ACP1: variants seen among roughly 807,000 people sequenced by gnomAD.
ACP1 encodes acid phosphatase 1.
A neutral mutation model predicts 23.4 loss-of-function variants in ACP1; 23 were observed. That is an observed-to-expected ratio of 0.98 (90% CI 0.71 to 1.39). The LOEUF is 1.39. Ranked by LOEUF, ACP1 falls within the 40% of genes most tolerant of loss-of-function variation. The pLI is 0.00. For missense variants in ACP1, 180 were observed against 197.7 expected (o/e 0.91, Z 0.54); for synonymous variants, 72 against 67.2 (o/e 1.07, Z -0.35).
At position 272,147 on chromosome 2, in the gene ACP1, G is replaced by T. The variant is rs767412797; in HGVS notation, c.228G>T (p.Arg76=). 1.9e-6 allele frequency: 3 copies of T among 1,614,090 alleles called. No homozygotes were observed. The highest frequency in any genetic ancestry group is 2.5e-6 in the Non-Finnish European group (3 of 1,180,052). Residue 76 remains arginine, a synonymous_variant, in exon 3 of 6, where the codon CGG becomes CGT. Transcript: ENST00000272065. ...RHGIPMSHVA[R]QITKEDFATF... is the part of the protein sequence containing the mutation. Reference sequence around the variant, plus strand: ...GCATTCCCATGAGCCACGTTGCCCGGCAGGTACCGTCCTTGGACTTGAAGT... The same window carrying T: ...GCATTCCCATGAGCCACGTTGCCCGTCAGGTACCGTCCTTGGACTTGAAGT...
chr2:270,214 T>A (rs2103072511), intron 1 of ACP1, among the ~76,000 whole-genome samples: 1 of 152,298 alleles, frequency 6.6e-6, no homozygotes, highest in East Asian at 1.9e-4. Flanking sequence ...GCACATAGAG[T>A]TGGCATACAA....
chr2:270,654 A>G (rs751264532), intron 1 of ACP1, among the ~76,000 whole-genome samples: 1 of 152,088 alleles, frequency 6.6e-6, no homozygotes, highest in Non-Finnish European at 1.5e-5. Context: ...CCAGTGATTC[A>G]ACCCATTGTG....
In ACP1 at chr2:276,986, G is replaced by A. The variant is rs535239615; in HGVS notation, c.300G>A (p.Leu100=). ...LCMDESNLRD[L]NRKSNQVKTC... is the part of the protein sequence containing the mutation. ...TCATATTTCAATTTTACAGAGATTTGAATAGAAAAAGTAATCAAGTTAAAA... is the reference window on the plus strand; with the variant it reads ...TCATATTTCAATTTTACAGAGATTTAAATAGAAAAAGTAATCAAGTTAAAA... The change falls in exon 5 of 6, where the codon TTG becomes TTA. Residue 100 remains leucine (L), a synonymous_variant. Transcript: ENST00000272065. 2.0e-5 allele frequency: 32 copies of A among 1,591,692 alleles called. 1 individual carries two copies. The Middle Eastern group carries it at 1.1e-3, about 53-fold the overall frequency.
intron 1 of ACP1, among the ~76,000 whole-genome samples, chr2:267,022 A>G (rs1471008757): frequency 1.3e-5 from 2 of 152,210 alleles, no homozygotes; most frequent in African/African-American, 2.4e-5. Flanking sequence ...ATGCTGGACA[A>G]AGACGTGTTT....
intron 4 of ACP1, among the ~76,000 whole-genome samples, chr2:276,162 C>T (rs1670165744): frequency 6.6e-6 from 1 of 152,078 alleles, no homozygotes; most frequent in East Asian, 1.9e-4. Flanking sequence ...TGTTCCTCTG[C>T]CTGGAAGCTC....
At chr2:272,384 A>T (rs1196592740) in intron 3 of ACP1, 1 of 1,520,580 alleles carries the variant, frequency 6.6e-7, no homozygotes, top group African/African-American at 1.4e-5. Flanking sequence ...CCAGACTTGT[A>T]TATTAATGAA....
At position 277,669 on chromosome 2, in the gene ACP1, C is replaced by G. The variant is rs1389616793; in HGVS notation, c.*365C>G. ...TTGAGACTTAGATAATCGAGTCTAC[C>G]TCTTCAGTAGGTTTGTGTGGATGGC... On this transcript the variant is annotated 3_prime_UTR_variant, in exon 6 of 6. Coordinates refer to ENST00000272065, the MANE Select transcript of ACP1 (RefSeq NM_004300.4). 3.7e-6 allele frequency: 1 copy of G among 270,686 alleles called. No homozygotes were observed. 16.8% of individuals were successfully genotyped at this position (270,686 alleles called of 1,614,324 possible).
chr2:274,795 T>C (rs1670130564), intron 3 of ACP1: 1 of 158,204 alleles, frequency 6.3e-6, no homozygotes, highest in African/African-American at 2.4e-5. Flanking sequence ...GAATGAAAAA[T>C]AGAGTAGAAT....
At chr2:270,889 A>G (rs913346025) in intron 1 of ACP1, among the ~76,000 whole-genome samples, 4 of 152,100 alleles carry the variant, frequency 2.6e-5, no homozygotes, top group East Asian at 1.9e-4. Flanking sequence ...TGCTGTTACT[A>G]TAATGAAATT....
At chr2:275,556 C>G (rs1670147394) in intron 4 of ACP1, 1 of 160,628 alleles carries the variant, frequency 6.2e-6, no homozygotes, top group Non-Finnish European at 1.4e-5. Flanking sequence ...TTTATTGATT[C>G]TCAGGTCAAA....
chr2:269,277 T>A lies in ACP1; in HGVS notation c.44-2589T>A, dbSNP rs972177202. 6 of 469,852 alleles carry A rather than the reference T, an allele frequency of 1.3e-5. No individual in the cohort carries two copies. In the East Asian group the frequency reaches 4.2e-4, roughly 33 times the overall value. The allele number at this position is 469,852 out of a possible 1,614,324, so 29.1% of individuals were successfully genotyped here. A position where few individuals can be genotyped will look rare whatever the true frequency, so the allele number is the denominator to read the frequency against. ...TAGAGGGTATTCAAGGCTAATTTGT[T>A]GTCTTTCCCTTTATGGTTTGTAGGT... On this transcript the variant is annotated intron_variant, in intron 1 of 5. Coordinates refer to ENST00000272065, the MANE Select transcript of ACP1 (RefSeq NM_004300.4).
At chr2:271,252 G>T (rs1445130304) in intron 1 of ACP1, among the ~76,000 whole-genome samples, 3 of 152,196 alleles carry the variant, frequency 2.0e-5, no homozygotes, top group Admixed American at 1.3e-4. Context: ...AGCCACAGGG[G>T]TTTGAACTTT....
intron 1 of ACP1, among the ~76,000 whole-genome samples, chr2:265,845 C>G (rs953382211): frequency 2.6e-5 from 4 of 152,230 alleles, no homozygotes; most frequent in African/African-American, 9.6e-5. Flanking sequence ...TGCTCACACC[C>G]TCGGGACACT....
chr2:265,145 G>T (rs1397817983), intron 1 of ACP1, 138 bp downstream of exon 1: 10 of 1,001,950 alleles, frequency 1.0e-5, no homozygotes, highest in Non-Finnish European at 1.3e-5. Context: ...GGTGTTCTAG[G>T]AGTGTGCCGC....
At chr2:270,128 C>T (rs548215395) in intron 1 of ACP1, among the ~76,000 whole-genome samples, 24 of 152,124 alleles carry the variant, frequency 1.6e-4, no homozygotes, top group Non-Finnish European at 3.4e-4. Flanking sequence ...TTAGCTGTGC[C>T]GGTAATTTTG....
chr2:267,396 C>G (rs1669919857), intron 1 of ACP1, among the ~76,000 whole-genome samples: 1 of 152,142 alleles, frequency 6.6e-6, no homozygotes, highest in South Asian at 2.1e-4. Flanking sequence ...AAAAATAGAG[C>G]AGAAAAGGGG....
chr2:277,573 A>G lies in ACP1; in HGVS notation c.*269A>G, dbSNP rs1558265575. The G allele has an allele frequency of 4.2e-6, 2 of 477,184 alleles. No homozygotes were observed. The highest frequency in any genetic ancestry group is 3.7e-5 in the East Asian group (1 of 27,240). The allele number at this position is 477,184 out of a possible 1,614,324, so 29.6% of individuals were successfully genotyped here. A position where few individuals can be genotyped will look rare whatever the true frequency, so the allele number is the denominator to read the frequency against. On this transcript the variant is annotated 3_prime_UTR_variant, in exon 6 of 6. Coordinates refer to ENST00000272065, the MANE Select transcript of ACP1 (RefSeq NM_004300.4). ...ATCTCACTTTGCCCCAGTTACAAAA[A>G]TAGTAGAACAAGCAACATAAAACAA...
At chr2:276,044 G>A (rs969119285) in intron 4 of ACP1, among the ~76,000 whole-genome samples, 9 of 151,966 alleles carry the variant, frequency 5.9e-5, no homozygotes, top group Admixed American at 2.0e-4. Flanking sequence ...CATAGGCATC[G>A]TAAAAACACC....
intron 4 of ACP1, 70 bp from the exon 5 acceptor site, chr2:276,910 C>T (rs1670188971): frequency 1.1e-5 from 10 of 914,452 alleles, no homozygotes; most frequent in Non-Finnish European, 1.6e-5. Context: ...TTTCAGAACA[C>T]CCTAGCAGAT....
Sources: allele counts gnomAD v4.1 joint callset (sites outside exome capture counted in the v4.1 genomes callset), GRCh38; gene constraint gnomAD v4.1.1; transcripts MANE v1.5; gene names NCBI Gene and HGNC (gene_info 2026-07-23, HGNC 2026-07-21).